Variants in IL1RAPL2 observed in about 807,000 individuals in gnomAD.
IL1RAPL2 encodes X-linked interleukin-1 receptor accessory protein-like 2.
In IL1RAPL2, 3 loss-of-function variants were observed where a neutral mutation model predicts 44.1. That is an observed-to-expected ratio of 0.07 (90% CI 0.03 to 0.18). The LOEUF is 0.18. Ranked by LOEUF, IL1RAPL2 falls within the 10% of genes least tolerant of loss-of-function variation. IL1RAPL2 has a pLI of 1.00. For synonymous variants in IL1RAPL2, 181 were observed against 178.8 expected (o/e 1.01, Z -0.10); for missense variants, 391 against 496.4 (o/e 0.79, Z 2.02).
At chrX:105,683,862 A>T (rs181368536) in intron 6 of IL1RAPL2, among the ~76,000 whole-genome samples, 1 of 112,401 alleles carries the variant, frequency 8.9e-6, no homozygotes, top group East Asian at 2.8e-4. Flanking sequence ...ATGATTTCTC[A>T]AAGTTGCAAA....
intron 6 of IL1RAPL2, among the ~76,000 whole-genome samples, chrX:105,628,942 CAA>C (rs34686044): frequency 3.2e-5 from 3 of 92,936 alleles, no homozygotes; most frequent in African/African-American, 8.0e-5. Context: ...GACTTCATCT[CAA>C]AAAAAAAAAA....
chrX:105,447,970 A>T (rs1344915770), intron 5 of IL1RAPL2, among the ~76,000 whole-genome samples: 1 of 101,081 alleles, frequency 9.9e-6, no homozygotes, highest in African/African-American at 3.5e-5. Context: ...AAATATATTA[A>T]AAATATAAAT....
chrX:104,979,780 T>C (rs765914537), intron 2 of IL1RAPL2, among the ~76,000 whole-genome samples: 1 of 112,067 alleles, frequency 8.9e-6, no homozygotes, highest in Non-Finnish European at 1.9e-5. Context: ...TAAGTGGTTT[T>C]CAACCTGAAG....
At chrX:105,176,298 C>G (rs2033473655) in intron 2 of IL1RAPL2, among the ~76,000 whole-genome samples, 1 of 110,994 alleles carries the variant, frequency 9.0e-6, no homozygotes, top group Non-Finnish European at 1.9e-5. Flanking sequence ...AAAGGTGAGG[C>G]CAGCATACTG....
chrX:105,718,303 G>T (rs1180175629), intron 7 of IL1RAPL2, among the ~76,000 whole-genome samples: 5 of 111,285 alleles, frequency 4.5e-5, no homozygotes, highest in African/African-American at 1.6e-4. Flanking sequence ...TATTCCTTCA[G>T]TTTTCTTATT....
intron 6 of IL1RAPL2, among the ~76,000 whole-genome samples, chrX:105,561,679 A>G (rs954328879): frequency 8.9e-6 from 1 of 112,052 alleles, no homozygotes; most frequent in African/African-American, 3.2e-5. Flanking sequence ...TTCCTCTCAC[A>G]ATTAGGTAGA....
chrX:105,562,268 A>G (rs770711481), intron 6 of IL1RAPL2, among the ~76,000 whole-genome samples: 10 of 111,874 alleles, frequency 8.9e-5, no homozygotes, highest in Non-Finnish European at 1.5e-4. Context: ...GCTGTTGCAG[A>G]GCATGGTGAC....
At chrX:105,042,398 C>A (rs1266969348) in intron 2 of IL1RAPL2, among the ~76,000 whole-genome samples, 1 of 109,871 alleles carries the variant, frequency 9.1e-6, no homozygotes, top group Non-Finnish European at 1.9e-5. Flanking sequence ...ACAAACAACC[C>A]CATCAACAAG....
chrX:104,661,134 C>T (rs763128343), intron 2 of IL1RAPL2, among the ~76,000 whole-genome samples: 1 of 111,430 alleles, frequency 9.0e-6, no homozygotes, highest in African/African-American at 3.2e-5. Flanking sequence ...ATCATATCTG[C>T]AGTCAGCTTC....
chrX:105,163,040 A>C (rs1236806253), intron 2 of IL1RAPL2, among the ~76,000 whole-genome samples: 2 of 111,846 alleles, frequency 1.8e-5, no homozygotes, highest in Non-Finnish European at 3.8e-5. Context: ...TTTAACTTCT[A>C]GATCAGCTAT....
chrX:105,261,838 G>T (rs1241822456), intron 4 of IL1RAPL2, among the ~76,000 whole-genome samples: 1 of 111,405 alleles, frequency 9.0e-6, no homozygotes, highest in Non-Finnish European at 1.9e-5. Flanking sequence ...TACAGGGTGA[G>T]AGTAAGTGCT....
chrX:105,340,720 C>T (rs2035063813), intron 5 of IL1RAPL2, among the ~76,000 whole-genome samples: 1 of 112,240 alleles, frequency 8.9e-6, no homozygotes, highest in Non-Finnish European at 1.9e-5. Flanking sequence ...CCTGCCCTGC[C>T]TGTTTAATAT....
At chrX:105,694,638 C>T (rs929746597) in intron 6 of IL1RAPL2, among the ~76,000 whole-genome samples, 3 of 110,873 alleles carry the variant, frequency 2.7e-5, no homozygotes, top group African/African-American at 9.8e-5. Context: ...CTTCCTCATC[C>T]CCTCCTGAGA....
intron 3 of IL1RAPL2, among the ~76,000 whole-genome samples, chrX:105,229,638 G>A (rs1288275022): frequency 8.9e-6 from 1 of 111,820 alleles, no homozygotes; most frequent in Non-Finnish European, 1.9e-5. Context: ...CAATACAAAT[G>A]CTGCTGACAC....
chrX:104,826,084 T>C (rs1197473266), intron 2 of IL1RAPL2, among the ~76,000 whole-genome samples: 2 of 112,260 alleles, frequency 1.8e-5, no homozygotes, highest in African/African-American at 6.5e-5. Flanking sequence ...GAAAATGTCT[T>C]TGGAATATTT....
intron 2 of IL1RAPL2, among the ~76,000 whole-genome samples, chrX:104,937,566 G>T (rs1925058168): frequency 8.9e-6 from 1 of 112,302 alleles, no homozygotes; most frequent in African/African-American, 3.2e-5. Context: ...AGGATTGGCT[G>T]GGAATTGCAG....
Position 105,260,643 on chromosome X carries a change from C to T in IL1RAPL2, c.544-6745C>T, listed in dbSNP as rs768125024. Among the ~76,000 whole-genome samples the T allele has an allele frequency of 1.2e-4, 13 of 112,065 alleles. No homozygotes were observed. In the South Asian group the frequency reaches 4.5e-3, roughly 39 times the overall value. On this transcript the variant is annotated intron_variant, in intron 4 of 10. Coordinates refer to ENST00000372582, the MANE Select transcript of IL1RAPL2 (RefSeq NM_017416.2). Reference sequence around the variant, plus strand: ...GCTGCAGGCCCAGTCTGGGAGGTCCCGTCCAGTGAGGAGGAGTAGGATCGG... The same window carrying T: ...GCTGCAGGCCCAGTCTGGGAGGTCCTGTCCAGTGAGGAGGAGTAGGATCGG...
intron 6 of IL1RAPL2, among the ~76,000 whole-genome samples, chrX:105,527,437 TG>T (rs1314908233): frequency 8.5e-5 from 2 of 23,637 alleles, no homozygotes; most frequent in Admixed American, 2.8e-4. Context: ...GAGAGTGTGT[TG>T]TGTGTGTGTG....
chrX:104,727,686 G>A (rs776289859), intron 2 of IL1RAPL2, among the ~76,000 whole-genome samples: 3 of 111,472 alleles, frequency 2.7e-5, no homozygotes, highest in South Asian at 3.7e-4. Context: ...ATCAACCTAA[G>A]TGTCCATCAA....
Sources: gnomAD v4.1 joint callset for allele counts (sites outside exome capture counted in the v4.1 genomes callset) on GRCh38, gnomAD v4.1.1 for gene constraint, MANE v1.5 for transcripts, NCBI Gene and HGNC (gene_info 2026-07-23, HGNC 2026-07-21) for gene names.